DRC8: variants seen among roughly 807,000 people sequenced by gnomAD.
DRC8 encodes the protein dynein regulatory complex protein 8.
chr1:245,116,819 T>C, the DRC8 span, among the ~76,000 whole-genome samples: 2 of 152,236 alleles, frequency 1.3e-5, no homozygotes, highest in African/African-American at 4.8e-5. Context: ...TCCTGTCTCC[T>C]TAGCTTTTTC....
At chr1:244,982,340 A>G in the DRC8 span, among the ~76,000 whole-genome samples, 1 of 152,184 alleles carries the variant, frequency 6.6e-6, no homozygotes. Context: ...TTTTGTAATT[A>G]TCAAGGAATT....
chr1:245,069,564 A>G, the DRC8 span, among the ~76,000 whole-genome samples: 1 of 152,168 alleles, frequency 6.6e-6, no homozygotes, highest in Non-Finnish European at 1.5e-5. Context: ...CATGTGAGGT[A>G]TCCAAAATAG....
the DRC8 span, among the ~76,000 whole-genome samples, chr1:245,015,515 C>T: frequency 1.6e-3 from 238 of 152,052 alleles, no homozygotes; most frequent in African/African-American, 5.1e-3. Flanking sequence ...TCGAGACCAT[C>T]CTGGCCAACA....
chr1:245,064,376 A>T, the DRC8 span, among the ~76,000 whole-genome samples: 1 of 152,230 alleles, frequency 6.6e-6, no homozygotes, highest in Non-Finnish European at 1.5e-5. Flanking sequence ...AAAAGAGGAT[A>T]CCATGGCAGG....
At chr1:245,039,459 T>G in the DRC8 span, among the ~76,000 whole-genome samples, 1 of 146,164 alleles carries the variant, frequency 6.8e-6, no homozygotes, top group South Asian at 2.2e-4. Context: ...TGCAACAGAG[T>G]GAGACGCTGC....
chr1:245,119,100 C>A, the DRC8 span, among the ~76,000 whole-genome samples: 1 of 152,112 alleles, frequency 6.6e-6, no homozygotes, highest in African/African-American at 2.4e-5. Context: ...TTTGCTAGAA[C>A]CATTAATAAC....
chr1:244,982,937 G>T, the DRC8 span, among the ~76,000 whole-genome samples: 4 of 152,102 alleles, frequency 2.6e-5, no homozygotes, highest in African/African-American at 9.6e-5. Context: ...AGGTGTGGTG[G>T]TGGGTGCCTG....
chr1:245,001,285 G>T, the DRC8 span, among the ~76,000 whole-genome samples: 2 of 152,068 alleles, frequency 1.3e-5, no homozygotes, highest in African/African-American at 4.8e-5. Context: ...GCCTATAAAG[G>T]ATCAAGGAGG....
chr1:245,100,360 G>A, the DRC8 span, among the ~76,000 whole-genome samples: 1 of 149,640 alleles, frequency 6.7e-6, no homozygotes, highest in Non-Finnish European at 1.5e-5. Context: ...ACTCCAGCCT[G>A]GGTGACAGAG....
At chr1:245,036,166 T>C in the DRC8 span, among the ~76,000 whole-genome samples, 3 of 152,150 alleles carry the variant, frequency 2.0e-5, no homozygotes, top group African/African-American at 4.8e-5. Context: ...ACCTGTAATA[T>C]ATAAAAAACT....
chr1:245,087,293 T>C, the DRC8 span: 133 of 1,611,116 alleles, frequency 8.3e-5, no homozygotes, highest in African/African-American at 1.6e-3. Flanking sequence ...TCTGCTGCAA[T>C]TGATCCAGAA....
the DRC8 span, among the ~76,000 whole-genome samples, chr1:245,041,590 C>T: frequency 6.6e-5 from 10 of 152,104 alleles, no homozygotes; most frequent in East Asian, 1.2e-3. Context: ...GGCTGAATTA[C>T]GTCCCCTCCA....
the DRC8 span, among the ~76,000 whole-genome samples, chr1:245,081,453 A>G: frequency 2.0e-5 from 3 of 149,442 alleles, no homozygotes; most frequent in Non-Finnish European, 4.4e-5. Context: ...GAGCCATCGC[A>G]CCCGGCAATT....
the DRC8 span, among the ~76,000 whole-genome samples, chr1:245,066,912 G>GA: frequency 9.2e-3 from 1,381 of 149,830 alleles, 9 homozygotes; most frequent in Non-Finnish European, 0.012. Context: ...ATCTCAAAAA[G>GA]AAAAAAAAAT....
chr1:245,026,233 A>C, the DRC8 span, among the ~76,000 whole-genome samples: 4 of 152,318 alleles, frequency 2.6e-5, no homozygotes, highest in African/African-American at 9.6e-5. Flanking sequence ...TTTTACTGAT[A>C]GGGAGACTTC....
chr1:245,063,339 A>G, the DRC8 span, among the ~76,000 whole-genome samples: 1 of 152,134 alleles, frequency 6.6e-6, no homozygotes, highest in African/African-American at 2.4e-5. Flanking sequence ...ATTCTTGCTT[A>G]TCCAGTTTTA....
At chr1:244,988,300 A>C in the DRC8 span, among the ~76,000 whole-genome samples, 1 of 152,074 alleles carries the variant, frequency 6.6e-6, no homozygotes, top group African/African-American at 2.4e-5. Flanking sequence ...ATTATTATAT[A>C]ATGGTATAAC....
At chr1:244,988,092 A>G in the DRC8 span, among the ~76,000 whole-genome samples, 1 of 152,222 alleles carries the variant, frequency 6.6e-6, no homozygotes, top group Non-Finnish European at 1.5e-5. Context: ...TAGTCTTTGC[A>G]GCATTTCCAT....
the DRC8 span, among the ~76,000 whole-genome samples, chr1:245,058,423 CACTTTTAAGTTGAT>C: frequency 1.3e-5 from 2 of 152,106 alleles, no homozygotes; most frequent in Admixed American, 1.3e-4. Flanking sequence ...CTTTAGGTTT[CACTTTTAAGTTGAT>C]ACTTATTCTG....
Sources: allele counts gnomAD v4.1 joint callset (sites outside exome capture counted in the v4.1 genomes callset), GRCh38; gene constraint gnomAD v4.1.1; transcripts MANE v1.5; gene names NCBI Gene and HGNC (gene_info 2026-07-23, HGNC 2026-07-21).